Variants in SNTG1 observed in about 807,000 individuals in gnomAD.
SNTG1 encodes syntrophin gamma 1.
In SNTG1, 39 loss-of-function variants were observed where a neutral mutation model predicts 74.7. The ratio of observed to expected loss-of-function variants is 0.52; its 90% CI spans 0.40 to 0.68. The LOEUF is 0.68. Ranked by LOEUF, SNTG1 falls within the 30% of genes least tolerant of loss-of-function variation. SNTG1 has a pLI of 0.00. For missense variants in SNTG1, 685 were observed against 609.5 expected (o/e 1.12, Z -1.30); for synonymous variants, 254 against 217.1 (o/e 1.17, Z -1.49).
chr8:49,997,665 A>G (rs1203683232), intron 1 of SNTG1, among the ~76,000 whole-genome samples: 1 of 152,196 alleles, frequency 6.6e-6, no homozygotes, highest in Non-Finnish European at 1.5e-5. Context: ...GAAATATTTT[A>G]TCACTTGACT....
intron 1 of SNTG1, among the ~76,000 whole-genome samples, chr8:50,156,737 G>T (rs141567146): frequency 1.3e-5 from 2 of 152,144 alleles, no homozygotes; most frequent in East Asian, 3.9e-4. Flanking sequence ...TGCCACTAAA[G>T]AAGATGTACA....
intron 8 of SNTG1, among the ~76,000 whole-genome samples, chr8:50,487,282 A>T (rs2093804554): frequency 6.6e-6 from 1 of 152,192 alleles, no homozygotes; most frequent in African/African-American, 2.4e-5. Flanking sequence ...CAGTGTGGCG[A>T]TTCCTTAGAG....
chr8:50,688,670 T>C (rs907637979), intron 15 of SNTG1, among the ~76,000 whole-genome samples: 3 of 152,228 alleles, frequency 2.0e-5, no homozygotes, highest in Admixed American at 1.3e-4. Flanking sequence ...CCTTGTAGTA[T>C]AGTATGAAGT....
chr8:50,343,425 A>G (rs1324436377), intron 2 of SNTG1, among the ~76,000 whole-genome samples: 4 of 152,232 alleles, frequency 2.6e-5, no homozygotes, highest in Non-Finnish European at 4.4e-5. Flanking sequence ...TGTAAGAACA[A>G]TCAGTTAGTG....
At chr8:50,520,903 C>T (rs184885251) in intron 9 of SNTG1, among the ~76,000 whole-genome samples, 6 of 152,094 alleles carry the variant, frequency 3.9e-5, no homozygotes, top group East Asian at 1.9e-4. Context: ...ACAATTTGAC[C>T]CAGCAATCCT....
At chr8:50,180,638 C>A (rs1252408917) in intron 2 of SNTG1, among the ~76,000 whole-genome samples, 2 of 151,990 alleles carry the variant, frequency 1.3e-5, no homozygotes, top group African/African-American at 4.8e-5. Context: ...TAAATCCCAC[C>A]ACCTTCAACA....
intron 13 of SNTG1, among the ~76,000 whole-genome samples, chr8:50,652,821 A>T (rs2095156127): frequency 6.6e-6 from 1 of 151,888 alleles, no homozygotes; most frequent in Admixed American, 6.6e-5. Context: ...AAATAAATAA[A>T]TAAATAATAA....
intron 17 of SNTG1, among the ~76,000 whole-genome samples, chr8:50,736,954 A>G (rs1563794755): frequency 2.0e-5 from 3 of 152,172 alleles, no homozygotes; most frequent in Non-Finnish European, 4.4e-5. Context: ...CCCACTGGAG[A>G]AAGTGGGAAA....
At chr8:50,225,966 T>C (rs770141957) in intron 2 of SNTG1, among the ~76,000 whole-genome samples, 21 of 152,174 alleles carry the variant, frequency 1.4e-4, no homozygotes, top group Non-Finnish European at 2.5e-4. Context: ...TATTGTTAAT[T>C]ATGTACACAT....
chr8:50,471,298 A>T (rs1402541004), intron 8 of SNTG1, among the ~76,000 whole-genome samples: 2 of 151,686 alleles, frequency 1.3e-5, no homozygotes, highest in African/African-American at 4.8e-5. Context: ...TTCAATAGAC[A>T]TTGCTTCAAT....
In SNTG1 at chr8:50,678,054, A is replaced by C. The variant is rs893826671; in HGVS notation, c.1038+19391A>C. ...AAACCACCATGTCACATGTATACCTATGTAACAAACCTGCACTTTCTGCAC... is the reference window on the plus strand; with the variant it reads ...AAACCACCATGTCACATGTATACCTCTGTAACAAACCTGCACTTTCTGCAC... On this transcript the variant is annotated intron_variant, in intron 15 of 18. Coordinates refer to ENST00000642720, the MANE Select transcript of SNTG1 (RefSeq NM_018967.5). Among the ~76,000 whole-genome samples the C allele has an allele frequency of 2.0e-5, 3 of 151,986 alleles. 1 individual carries two copies. Among genetic ancestry groups the C allele is most frequent in the Non-Finnish European group, 4.4e-5 (3 of 67,990 alleles).
At chr8:50,631,321 A>G (rs1189592355) in intron 13 of SNTG1, among the ~76,000 whole-genome samples, 3 of 152,232 alleles carry the variant, frequency 2.0e-5, no homozygotes, top group African/African-American at 7.2e-5. Flanking sequence ...ACAAATATTT[A>G]TAATGTAAAT....
At chr8:50,209,481 G>T (rs7817519) in intron 2 of SNTG1, among the ~76,000 whole-genome samples, 3,336 of 152,254 alleles carry the variant, frequency 0.022, 137 homozygotes, top group African/African-American at 0.072. Flanking sequence ...AGTAGGGGCC[G>T]ACTGACACCT....
intron 8 of SNTG1, among the ~76,000 whole-genome samples, chr8:50,487,868 C>G (rs1211551588): frequency 6.6e-6 from 1 of 151,972 alleles, no homozygotes; most frequent in Non-Finnish European, 1.5e-5. Flanking sequence ...AAAGAAGTCT[C>G]TAGAACTAAA....
intron 2 of SNTG1, among the ~76,000 whole-genome samples, chr8:50,377,687 C>G (rs1490819425): frequency 6.6e-6 from 1 of 152,062 alleles, no homozygotes; most frequent in Non-Finnish European, 1.5e-5. Flanking sequence ...TCATATAAAG[C>G]AAAATCACCT....
Position 50,409,868 on chromosome 8 carries a change from T to C in SNTG1, c.162+7524T>C, listed in dbSNP as rs569977305. Among the ~76,000 whole-genome samples the C allele has an allele frequency of 5.9e-5, 9 of 152,304 alleles. No individual in the cohort carries two copies. In the South Asian group the frequency reaches 8.3e-4, roughly 14 times the overall value. On this transcript the variant is annotated intron_variant, in intron 4 of 18. Coordinates refer to ENST00000642720, the MANE Select transcript of SNTG1 (RefSeq NM_018967.5). ...TTCAAAGGTGTTGCTAGTAAAAAGATACGAAAACCATGAAGAATCATGGAG... is the reference window on the plus strand; with the variant it reads ...TTCAAAGGTGTTGCTAGTAAAAAGACACGAAAACCATGAAGAATCATGGAG...
At chr8:50,165,828 A>G (rs946739198) in intron 1 of SNTG1, among the ~76,000 whole-genome samples, 2 of 152,200 alleles carry the variant, frequency 1.3e-5, no homozygotes, top group Non-Finnish European at 2.9e-5. Context: ...CTTAAATGTC[A>G]TCCAATTATG....
intron 2 of SNTG1, among the ~76,000 whole-genome samples, chr8:50,217,486 A>G (rs1171542463): frequency 2.6e-5 from 4 of 152,120 alleles, no homozygotes; most frequent in Admixed American, 1.3e-4. Flanking sequence ...ATGTGCTGTC[A>G]TGTAATGTTC....
At chr8:50,787,316 A>AT (rs869135018) in intron 18 of SNTG1, among the ~76,000 whole-genome samples, 3 of 151,820 alleles carry the variant, frequency 2.0e-5, no homozygotes, top group Admixed American at 6.6e-5. Flanking sequence ...TGGTTATAAT[A>AT]TTTTTTTAAA....
Sources: gnomAD v4.1 joint callset for allele counts (sites outside exome capture counted in the v4.1 genomes callset) on GRCh38, gnomAD v4.1.1 for gene constraint, MANE v1.5 for transcripts, NCBI Gene and HGNC (gene_info 2026-07-23, HGNC 2026-07-21) for gene names.